The following PCDHA7 variants were observed in gnomAD, a reference collection of about 807,000 sequenced individuals.
The protein encoded by PCDHA7 is protocadherin alpha 7.
In PCDHA7, 37 loss-of-function variants were observed where a neutral mutation model predicts 57.2. That is an observed-to-expected ratio of 0.65 (90% CI 0.50 to 0.85). PCDHA7 has a LOEUF of 0.85. PCDHA7 is among the 40% of genes least tolerant of loss of function. The pLI, the probability that PCDHA7 is intolerant of heterozygous loss-of-function variation, is 0.00. For missense variants in PCDHA7, 1,188 were observed against 1,241.8 expected (o/e 0.96, Z 0.65); for synonymous variants, 553 against 558.8 (o/e 0.99, Z 0.15).
At chr5:140,928,397 C>T in intron 1 of PCDHA7, 1 of 1,614,082 alleles carries the variant, frequency 6.2e-7, no homozygotes, top group East Asian at 2.2e-5. Context: ...GCAGTGGAAT[C>T]ATCCAGTGGG....
chr5:140,998,855 C>T (rs544471391), intron 3 of PCDHA7, among the ~76,000 whole-genome samples: 63 of 152,320 alleles, frequency 4.1e-4, no homozygotes, highest in Admixed American at 2.1e-3. Context: ...GAGCCACATG[C>T]CTGGCCTTGT....
chr5:140,835,788 C>A lies in PCDHA7; in HGVS notation c.1405C>A (p.Pro469Thr), dbSNP rs2150244691. The change falls in exon 1 of 4, where the codon CCG becomes ACG. Residue 469 changes from proline to threonine, a missense_variant. Physicochemically the swap from Pro to Thr is conservative, Grantham distance 38. Around this residue, in one of 3 missense-constraint regions of PCDHA7, gnomAD observed 892 missense variants for 788.5 expected, o/e 1.13. Transcript: ENST00000525929. Reference protein sequence around the residue: ...EYTVFVKENNPPGCHIFTVSA... With the variant: ...EYTVFVKENNTPGCHIFTVSA... ...TACGGTGTTCGTGAAGGAGAACAAC[C>A]CGCCGGGCTGCCACATCTTCACTGT... is the stretch of plus-strand genomic sequence containing the variant. 4 of 1,613,044 alleles carry A rather than the reference C, an allele frequency of 2.5e-6. No homozygotes were observed. Among genetic ancestry groups the A allele is most frequent in the South Asian group, 2.2e-5 (2 of 91,042 alleles).
chr5:140,934,926 G>A lies in PCDHA7; in HGVS notation c.2356-44023G>A, dbSNP rs1054459840. Among the ~76,000 whole-genome samples, 3 of 152,116 alleles carry A rather than the reference G, an allele frequency of 2.0e-5. No homozygotes were observed. In the East Asian group the frequency reaches 5.8e-4, roughly 29 times the overall value. On this transcript the variant is annotated intron_variant, in intron 1 of 3. Transcript: ENST00000525929. ...TGGAATAATTATGGATTCACATAAA[G>A]TTACAAAACTAGTATAGAGAGATCC...
At position 140,897,620 on chromosome 5, in the gene PCDHA7, A is replaced by G. The variant is rs1317464980; in HGVS notation, c.2355+60882A>G. On this transcript the variant is annotated intron_variant, in intron 1 of 3. Coordinates refer to ENST00000525929, the MANE Select transcript of PCDHA7 (RefSeq NM_018910.3). Reference sequence around the variant, plus strand: ...ACATTTGGGTTGGTTCCAAGTCTTTACTATTGTGTATAGTGCCACAATAAA... The same window carrying G: ...ACATTTGGGTTGGTTCCAAGTCTTTGCTATTGTGTATAGTGCCACAATAAA... Among the ~76,000 whole-genome samples, 1,214 of 152,126 alleles carry G rather than the reference A, an allele frequency of 8.0e-3. 6 individuals are homozygous for G. The highest frequency in any genetic ancestry group is 0.019 in the African/African-American group (783 of 41,492).
In PCDHA7 at chr5:140,848,623, C is replaced by A. The variant is rs186780543; in HGVS notation, c.2355+11885C>A. 2.4e-3 allele frequency: 3,747 copies of A among 1,588,346 alleles called. 451 individuals carry two copies. Among genetic ancestry groups the A allele is most frequent in the Middle Eastern group, 8.5e-3 (48 of 5,656 alleles). On this transcript the variant is annotated intron_variant, in intron 1 of 3. Coordinates refer to ENST00000525929, the MANE Select transcript of PCDHA7 (RefSeq NM_018910.3). ...GTCCCGGAGGAAGCCGAACACGGCA[C>A]CTTCGTGGGCCGCATCGCGCAGGAC...
chr5:140,871,328 G>T (rs374687707), intron 1 of PCDHA7: 4 of 1,614,128 alleles, frequency 2.5e-6, no homozygotes, highest in African/African-American at 1.3e-5. Context: ...GTGTGCTCCC[G>T]CGCGGTGGGG....
At chr5:140,876,820 G>A in intron 1 of PCDHA7, 2 of 1,614,214 alleles carry the variant, frequency 1.2e-6, no homozygotes, top group Non-Finnish European at 1.7e-6. Context: ...CGACGTGAAC[G>A]ACAATGCGCC....
chr5:140,850,733 G>T (rs2150496499), intron 1 of PCDHA7: 1 of 1,598,010 alleles, frequency 6.3e-7, no homozygotes, highest in East Asian at 2.2e-5. Context: ...GCGCGGTGGG[G>T]AGTTGGTCGT....
Position 140,843,307 on chromosome 5 carries a change from G to T in PCDHA7, c.2355+6569G>T, listed in dbSNP as rs2150357061. On this transcript the variant is annotated intron_variant, in intron 1 of 3. Coordinates refer to ENST00000525929, the MANE Select transcript of PCDHA7 (RefSeq NM_018910.3). ...ATGGTGAACCTGCGCTGACCGCCAC[G>T]GCCACGGTTCTGGTGTCGCTGGTGG... is the stretch of plus-strand genomic sequence containing the variant. The T allele has an allele frequency of 1.0e-5, 16 of 1,595,858 alleles. 3 individuals are homozygous for T. The highest frequency in any genetic ancestry group is 1.3e-5 in the African/African-American group (1 of 74,426).
chr5:140,986,634 A>C (rs1587175680), intron 3 of PCDHA7, among the ~76,000 whole-genome samples: 3 of 152,202 alleles, frequency 2.0e-5, no homozygotes, highest in South Asian at 2.1e-4. Flanking sequence ...GCAACAGTAC[A>C]TTAGTTTTAG....
Position 141,011,514 on chromosome 5 carries a change from GT to G in PCDHA7, c.*1584del, listed in dbSNP as rs35545269. 2 of 153,738 alleles carry G rather than the reference GT, an allele frequency of 1.3e-5. No homozygotes were observed. The highest frequency in any genetic ancestry group is 1.9e-4 in the East Asian group (1 of 5,186). The allele number at this position is 153,738 out of a possible 1,614,324, so 9.5% of individuals were successfully genotyped here. ...TACACCTGTGAAAAAGTGGAGTAGTGTTTTTTTAACCATTGTTAATCAGCTT... is the reference window on the plus strand; with the variant it reads ...TACACCTGTGAAAAAGTGGAGTAGTGTTTTTTAACCATTGTTAATCAGCTT... On this transcript the variant is annotated 3_prime_UTR_variant, in exon 4 of 4. Coordinates refer to ENST00000525929, the MANE Select transcript of PCDHA7 (RefSeq NM_018910.3).
intron 1 of PCDHA7, among the ~76,000 whole-genome samples, chr5:140,942,544 G>T (rs546340510): frequency 1.6e-4 from 24 of 152,000 alleles, no homozygotes; most frequent in Non-Finnish European, 2.9e-4. Context: ...TATGGTGGGG[G>T]GTAGGGGGTT....
chr5:140,870,947 G>A lies in PCDHA7; in HGVS notation c.2355+34209G>A. ...TCATATGAATTGCAGCCGGCGGCGGGCGGCTCGCGCATCCCGTTCCGCGTG... is the reference window on the plus strand; with the variant it reads ...TCATATGAATTGCAGCCGGCGGCGGACGGCTCGCGCATCCCGTTCCGCGTG... On this transcript the variant is annotated intron_variant, in intron 1 of 3. Coordinates refer to ENST00000525929, the MANE Select transcript of PCDHA7 (RefSeq NM_018910.3). The A allele has an allele frequency of 6.2e-7, 1 of 1,613,700 alleles. No homozygotes were observed. Among genetic ancestry groups the A allele is most frequent in the Non-Finnish European group, 8.5e-7 (1 of 1,179,896 alleles).
intron 1 of PCDHA7, among the ~76,000 whole-genome samples, chr5:140,933,870 T>C (rs2089481018): frequency 6.6e-6 from 1 of 152,092 alleles, no homozygotes. Context: ...CAGATATATG[T>C]TAGTTTTATC....
intron 1 of PCDHA7, among the ~76,000 whole-genome samples, chr5:140,906,790 C>A (rs1381392314): frequency 6.6e-6 from 1 of 152,276 alleles, no homozygotes; most frequent in South Asian, 2.1e-4. Flanking sequence ...TTGTGTATTC[C>A]ATGCATACTC....
chr5:140,968,899 A>T (rs782594245), intron 1 of PCDHA7: 7 of 1,614,130 alleles, frequency 4.3e-6, no homozygotes, highest in Non-Finnish European at 5.1e-6. Flanking sequence ...TAATAATAGC[A>T]TTAAGCACAG....
intron 1 of PCDHA7, chr5:140,856,390 G>C: frequency 6.3e-7 from 1 of 1,598,554 alleles, no homozygotes; most frequent in South Asian, 1.1e-5. Flanking sequence ...GGCCGCTGCA[G>C]GTTTTCCATG....
intron 1 of PCDHA7, chr5:140,871,342 T>C: frequency 6.2e-7 from 1 of 1,614,120 alleles, no homozygotes; most frequent in Non-Finnish European, 8.5e-7. Context: ...GGTGGGGAGC[T>C]GGTCATACTC....
At chr5:140,902,331 C>A (rs1271812504) in intron 1 of PCDHA7, among the ~76,000 whole-genome samples, 1 of 151,712 alleles carries the variant, frequency 6.6e-6, no homozygotes, top group African/African-American at 2.4e-5. Flanking sequence ...ACTCACTTCG[C>A]CTGGCCTAGG....
Sources: gnomAD v4.1 joint callset for allele counts (sites outside exome capture counted in the v4.1 genomes callset) on GRCh38, gnomAD v4.1.1 for gene constraint, gnomAD v4.1.1 regional missense constraint, MANE v1.5 for transcripts, NCBI Gene and HGNC (gene_info 2026-07-23, HGNC 2026-07-21) for gene names.